The following TMEM14B variants were observed in gnomAD, a reference collection of about 807,000 sequenced individuals.
The protein encoded by TMEM14B is transmembrane protein 14B.
TMEM14B carries 9 observed loss-of-function variants against 14.8 expected under a neutral mutation model. The ratio of observed to expected loss-of-function variants is 0.61; its 90% confidence interval spans 0.37 to 1.06. The LOEUF (loss-of-function observed/expected upper bound fraction) is 1.06, where lower values mean the gene tolerates loss of function less well. Ranked by LOEUF, TMEM14B falls within the 50% of genes least tolerant of loss-of-function variation. TMEM14B has a pLI of 0.01. For synonymous variants in TMEM14B, 40 were observed against 51.3 expected (o/e 0.78, Z 0.94); for missense variants, 128 against 143.6 (o/e 0.89, Z 0.56).
downstream of TMEM14B, among the ~76,000 whole-genome samples, chr6:10,757,439 G>C (rs544787201): frequency 6.6e-6 from 1 of 152,260 alleles, no homozygotes; most frequent in South Asian, 2.1e-4. Flanking sequence ...GGGGTAATGA[G>C]CATGGCCACT....
intron 3 of TMEM14B, among the ~76,000 whole-genome samples, chr6:10,750,868 T>C (rs1771524852): frequency 6.6e-6 from 1 of 151,986 alleles, no homozygotes; most frequent in South Asian, 2.1e-4. Context: ...CATAGTTCTG[T>C]CTAAGGAGGG....
chr6:10,758,909 CTTTTTTTTTTTT>C (rs34333457), downstream of TMEM14B: 866 of 103,490 alleles, frequency 8.4e-3, 21 homozygotes, highest in African/African-American at 0.038. Flanking sequence ...AGATCTAATT[CTTTTTTTTTTTT>C]TTTTTTTTTT....
intron 4 of TMEM14B, among the ~76,000 whole-genome samples, chr6:10,751,889 A>T (rs1771587270): frequency 6.6e-6 from 1 of 152,116 alleles, no homozygotes; most frequent in Admixed American, 6.5e-5. Context: ...AAGAGTCCTC[A>T]TCAGAGTGGT....
Position 10,749,604 on chromosome 6 carries a change from C to T in TMEM14B, c.24-18C>T, listed in dbSNP as rs1390215627. Reference sequence around the variant, plus strand: ...CAGGTTAGCACTGACTTCTCACTGACTTCTCTTGTGTTTTCAGAGTGCCTT... The same window carrying T: ...CAGGTTAGCACTGACTTCTCACTGATTTCTCTTGTGTTTTCAGAGTGCCTT... On this transcript the variant is annotated intron_variant, in intron 2 of 5. Coordinates refer to ENST00000379542, the MANE Select transcript of TMEM14B (RefSeq NM_030969.5). 88 of 1,613,968 alleles carry T rather than the reference C, an allele frequency of 5.5e-5. No individual in the cohort carries two copies. Among genetic ancestry groups the T allele is most frequent in the Non-Finnish European group, 7.3e-5 (86 of 1,179,902 alleles).
chr6:10,755,410 CAT>C (rs1771766862), intron 5 of TMEM14B, 178 bp downstream of exon 5: 1 of 1,501,396 alleles, frequency 6.7e-7, no homozygotes, highest in East Asian at 2.5e-5. Context: ...TGTCAAATGA[CAT>C]GAGTATATCC....
At chr6:10,758,920 T>C (rs1771889161), downstream of TMEM14B, 1 of 161,968 alleles carries the variant, frequency 6.2e-6, no homozygotes, top group Non-Finnish European at 1.3e-5. Context: ...TTTTTTTTTT[T>C]TTTTTTTTTT....
intron 4 of TMEM14B, among the ~76,000 whole-genome samples, chr6:10,754,903 A>G (rs1207728409): frequency 6.6e-6 from 1 of 152,232 alleles, no homozygotes; most frequent in Non-Finnish European, 1.5e-5. Flanking sequence ...GCAGAAGACA[A>G]GTGGTAAGAG....
Position 10,749,208 on chromosome 6 carries a change from GC to G in TMEM14B, c.-36del. On this transcript the variant is annotated 5_prime_UTR_variant, in exon 2 of 6. The change creates a premature stop within an existing upstream ORF in the 5' untranslated region. Transcript: ENST00000379542. Reference sequence around the variant, plus strand: ...TCCGGCTTGTTTTCCCCAGATGCAGGCCTGGGGTAGTCTCCTTTCTGGACTG... The same window carrying G: ...TCCGGCTTGTTTTCCCCAGATGCAGGCTGGGGTAGTCTCCTTTCTGGACTG... The G allele has an allele frequency of 6.2e-7, 1 of 1,612,176 alleles. No individual in the cohort carries two copies. The highest frequency in any genetic ancestry group is 1.7e-5 in the Admixed American group (1 of 60,004).
chr6:10,754,223 AAATAAT>A (rs761159035), intron 4 of TMEM14B, among the ~76,000 whole-genome samples: 1 of 152,178 alleles, frequency 6.6e-6, no homozygotes, highest in Non-Finnish European at 1.5e-5. Flanking sequence ...CTGTCTCAAA[AAATAAT>A]AATAATAATG....
At chr6:10,758,909 CTTTTTTTTTTT>C (rs34333457), downstream of TMEM14B, 6 of 103,450 alleles carry the variant, frequency 5.8e-5, no homozygotes, top group South Asian at 2.8e-4. Flanking sequence ...AGATCTAATT[CTTTTTTTTTTT>C]TTTTTTTTTT....
intron 4 of TMEM14B, 88 bp from the exon 5 acceptor site, chr6:10,755,054 C>T: frequency 2.9e-6 from 4 of 1,391,216 alleles, no homozygotes; most frequent in Non-Finnish European, 4.0e-6. Flanking sequence ...GAGGCGTGAG[C>T]CTTGAGAGAT....
intron 4 of TMEM14B, among the ~76,000 whole-genome samples, chr6:10,754,143 C>G (rs1771706504): frequency 6.6e-6 from 1 of 152,156 alleles, no homozygotes; most frequent in Non-Finnish European, 1.5e-5. Flanking sequence ...TTGCTTGAAC[C>G]TGGGAGGTAG....
At chr6:10,755,685 T>G in intron 5 of TMEM14B, 1 of 1,059,360 alleles carries the variant, frequency 9.4e-7, no homozygotes, top group African/African-American at 1.7e-5. Context: ...CCAGGCACGG[T>G]GGCTCACACC....
At chr6:10,753,758 C>T (rs1488725081) in intron 4 of TMEM14B, among the ~76,000 whole-genome samples, 1 of 152,050 alleles carries the variant, frequency 6.6e-6, no homozygotes, top group East Asian at 1.9e-4. Context: ...TTCCTTTCTA[C>T]CACCCCCTTT....
chr6:10,749,708 T>C lies in TMEM14B; in HGVS notation c.100+10T>C. On this transcript the variant is annotated intron_variant, in intron 3 of 5. Coordinates refer to ENST00000379542, the MANE Select transcript of TMEM14B (RefSeq NM_030969.5). ...GGCTATGTAAAAACAGGTAGGGTTT[T>C]GTTGTTACTTAGCCTCTTAACATCT... 1 of 1,613,076 alleles carries C rather than the reference T, an allele frequency of 6.2e-7. No individual in the cohort carries two copies. The highest frequency in any genetic ancestry group is 8.5e-7 in the Non-Finnish European group (1 of 1,179,046).
chr6:10,749,519 C>T (rs903722288), intron 2 of TMEM14B, 103 bp from the exon 3 acceptor site: 1 of 1,361,648 alleles, frequency 7.3e-7, no homozygotes, highest in African/African-American at 1.4e-5. Flanking sequence ...GCACATAGGA[C>T]CTGTGGGGAA....
chr6:10,749,544 C>T (rs1261266220), intron 2 of TMEM14B, 78 bp from the exon 3 acceptor site: 35 of 1,515,606 alleles, frequency 2.3e-5, no homozygotes, highest in Non-Finnish European at 2.8e-5. Context: ...TACCTTTTAG[C>T]CCCATCCTAT....
downstream of TMEM14B, among the ~76,000 whole-genome samples, chr6:10,758,514 C>T (rs1721844798): frequency 6.6e-6 from 1 of 152,252 alleles, no homozygotes; most frequent in Admixed American, 6.5e-5. Flanking sequence ...TGAGTATTTA[C>T]TGCCTAAGGG....
At chr6:10,752,918 G>T (rs1364617589) in intron 4 of TMEM14B, 1 of 152,104 alleles carries the variant, frequency 6.6e-6, no homozygotes, top group Non-Finnish European at 1.5e-5. Flanking sequence ...GGGTGGTATG[G>T]CGGTAGACCA....
Sources: allele counts gnomAD v4.1 joint callset (sites outside exome capture counted in the v4.1 genomes callset), GRCh38; gene constraint gnomAD v4.1.1; transcripts MANE v1.5; gene names NCBI Gene and HGNC (gene_info 2026-07-23, HGNC 2026-07-21).